Variants in RRAGD observed in about 807,000 individuals in gnomAD.
The protein encoded by RRAGD is Ras related GTP binding D.
RRAGD carries 12 observed loss-of-function variants against 35.5 expected under a neutral mutation model. That is an observed-to-expected ratio of 0.34 (90% CI 0.22 to 0.55). RRAGD has a LOEUF of 0.55. RRAGD is among the 20% of genes least tolerant of loss of function. RRAGD has a pLI of 0.91. For synonymous variants in RRAGD, 155 were observed against 178.9 expected (o/e 0.87, Z 1.07); for missense variants, 324 against 490.1 (o/e 0.66, Z 3.20).
chr6:89,371,073 AAATATAAAACTATATTAG>A (rs1177840240), intron 6 of RRAGD, among the ~76,000 whole-genome samples: 15 of 151,728 alleles, frequency 9.9e-5, no homozygotes, highest in African/African-American at 2.4e-4. Flanking sequence ...TATTTGTATT[AAATATAAAACTATATTAG>A]AATATAAAAC....
At chr6:89,406,161 C>T (rs1035679220) in intron 1 of RRAGD, among the ~76,000 whole-genome samples, 1 of 151,758 alleles carries the variant, frequency 6.6e-6, no homozygotes, top group Admixed American at 6.5e-5. Context: ...ATTTCCTTAA[C>T]ATATGTATTC....
chr6:89,372,225 A>T (rs971261675), intron 6 of RRAGD, among the ~76,000 whole-genome samples: 1 of 152,176 alleles, frequency 6.6e-6, no homozygotes, highest in Non-Finnish European at 1.5e-5. Context: ...TCGCAGATGC[A>T]CCACTAGAGG....
In RRAGD at chr6:89,380,302, A is replaced by C. The variant is rs150916197; in HGVS notation, c.510T>G (p.Thr170=). ...LTVTRAYKVN[T]DINFEVFIHK... ...GAATAAACACCTCGAAGTTGATGTC[A>C]GTATTCACTTTGTAGGCCCTGGTCA... Residue 170 remains threonine, a synonymous_variant, in exon 3 of 7, where the codon ACT becomes ACG. Coordinates refer to ENST00000369415, the MANE Select transcript of RRAGD (RefSeq NM_021244.5). 12 of 1,614,142 alleles carry C rather than the reference A, an allele frequency of 7.4e-6. No individual in the cohort carries two copies. The highest frequency in any genetic ancestry group is 1.0e-5 in the Non-Finnish European group (12 of 1,180,054).
At chr6:89,388,211 GCTA>G (rs1251841537) in intron 1 of RRAGD, among the ~76,000 whole-genome samples, 4 of 152,198 alleles carry the variant, frequency 2.6e-5, no homozygotes, top group Non-Finnish European at 5.9e-5. Context: ...CAGTAAGGTA[GCTA>G]CTAGCCAAAT....
rs1769720021 is a variant in RRAGD at position 89,412,161 on chromosome 6, C to G, written c.-168G>C. The G allele has an allele frequency of 1.9e-6, 1 of 518,228 alleles. No individual in the cohort carries two copies. The highest frequency in any genetic ancestry group is 2.9e-6 in the Non-Finnish European group (1 of 345,114). 32.1% of individuals were successfully genotyped at this position (518,228 alleles called of 1,614,324 possible). On this transcript the variant is annotated 5_prime_UTR_variant, in exon 1 of 7. Coordinates refer to ENST00000369415, the MANE Select transcript of RRAGD (RefSeq NM_021244.5). This position sits in a 1 kb window ranked among gnomAD's most constrained non-coding sequence, Gnocchi z 4.2. ...TCCCCCGGCGGGCGGCGCCCAGGTC[C>G]GGGTCCCGCGGTTCCCAGCGCGCCC...
chr6:89,367,790 T>A lies in RRAGD; in HGVS notation c.*266A>T, dbSNP rs1170249190. The stretch of plus-strand genomic sequence containing the variant: ...AATTCCTGGCAGTTCTCACACGGGA[T>A]TTTTTTGACTACAGACCATAAAAGT... On this transcript the variant is annotated 3_prime_UTR_variant, in exon 7 of 7. Coordinates refer to ENST00000369415, the MANE Select transcript of RRAGD (RefSeq NM_021244.5). The A allele has an allele frequency of 9.3e-6, 3 of 324,304 alleles. No individual in the cohort carries two copies. Among genetic ancestry groups the A allele is most frequent in the Non-Finnish European group, 1.7e-5 (3 of 180,250 alleles). 20.1% of individuals were successfully genotyped at this position (324,304 alleles called of 1,614,324 possible). A position where few individuals can be genotyped will look rare whatever the true frequency, so the allele number is the denominator to read the frequency against.
chr6:89,401,278 G>A (rs1288463006), intron 1 of RRAGD, among the ~76,000 whole-genome samples: 1 of 149,988 alleles, frequency 6.7e-6, no homozygotes, highest in Non-Finnish European at 1.5e-5. Context: ...TTTTTTTTGA[G>A]ACAGAGTCTT....
chr6:89,376,919 C>T (rs1033060902), intron 5 of RRAGD, among the ~76,000 whole-genome samples: 5 of 152,196 alleles, frequency 3.3e-5, no homozygotes, highest in Non-Finnish European at 7.3e-5. Context: ...TCCACTTATA[C>T]ATGGATTTTC....
At chr6:89,373,206 T>C (rs1015523419) in intron 5 of RRAGD, among the ~76,000 whole-genome samples, 1 of 152,244 alleles carries the variant, frequency 6.6e-6, no homozygotes, top group African/African-American at 2.4e-5. Flanking sequence ...GCAGCAAATA[T>C]GGCAAATTGG....
intron 1 of RRAGD, among the ~76,000 whole-genome samples, chr6:89,400,907 G>A (rs1769446815): frequency 6.6e-6 from 1 of 152,198 alleles, no homozygotes; most frequent in Admixed American, 6.5e-5. Context: ...GTAGTGAGAT[G>A]AAATGTTCAA....
chr6:89,376,647 C>T (rs1215440103), intron 5 of RRAGD, among the ~76,000 whole-genome samples: 2 of 152,154 alleles, frequency 1.3e-5, no homozygotes, highest in African/African-American at 2.4e-5. Context: ...GTTTCTACAT[C>T]GGGTAACATA....
rs557628673 is a variant in RRAGD at position 89,384,725 on chromosome 6, A to G, written c.444+2570T>C. Among the ~76,000 whole-genome samples, 22 of 151,818 alleles carry G rather than the reference A, an allele frequency of 1.4e-4. No individual in the cohort carries two copies. In the South Asian group the frequency reaches 4.4e-3, roughly 30 times the overall value. On this transcript the variant is annotated intron_variant, in intron 2 of 6. Coordinates refer to ENST00000369415, the MANE Select transcript of RRAGD (RefSeq NM_021244.5). Reference sequence around the variant, plus strand: ...AGCTACTCGGGAGGCTGAGGCAGGAAAATGGCGTGAACCCAGGAGGTGGAC... The same window carrying G: ...AGCTACTCGGGAGGCTGAGGCAGGAGAATGGCGTGAACCCAGGAGGTGGAC...
intron 1 of RRAGD, among the ~76,000 whole-genome samples, chr6:89,400,998 CG>C (rs1400753886): frequency 6.6e-6 from 1 of 152,104 alleles, no homozygotes; most frequent in Non-Finnish European, 1.5e-5. Context: ...CAAAGAAAAA[CG>C]ATTCATCCCC....
intron 2 of RRAGD, 110 bp downstream of exon 2, chr6:89,387,185 A>G: frequency 9.0e-7 from 1 of 1,113,696 alleles, no homozygotes. Flanking sequence ...ACCAAGAAAC[A>G]CTTGTTTGGT....
chr6:89,384,181 G>C (rs1366596828), intron 2 of RRAGD, among the ~76,000 whole-genome samples: 1 of 151,906 alleles, frequency 6.6e-6, no homozygotes, highest in Non-Finnish European at 1.5e-5. Context: ...TTTCCTGTCA[G>C]TGCTTCTAAT....
At chr6:89,389,670 A>G (rs919365076) in intron 1 of RRAGD, among the ~76,000 whole-genome samples, 3 of 152,018 alleles carry the variant, frequency 2.0e-5, no homozygotes, top group Admixed American at 1.3e-4. Context: ...CTTTAGTCCT[A>G]GAAAACCGCT....
chr6:89,368,165 T>C lies in RRAGD; in HGVS notation c.1094A>G (p.His365Arg), dbSNP rs751322771. The C allele has an allele frequency of 6.2e-7, 1 of 1,614,064 alleles. No homozygotes were observed. Among genetic ancestry groups the C allele is most frequent in the African/African-American group, 1.3e-5 (1 of 75,036 alleles). Reference sequence around the variant, plus strand: ...TTTCATTCTCACCTCAAAAACTTCATGAATGGCCTTCCGGAAGCAATGAAA... The same window carrying C: ...TTTCATTCTCACCTCAAAAACTTCACGAATGGCCTTCCGGAAGCAATGAAA... ...YNFHCFRKAI[H>R]EVFEVRMKVV... Residue 365 changes from histidine (H) to arginine (R), a missense_variant, in exon 7 of 7, where the codon CAT becomes CGT. Physicochemically the swap from His to Arg is conservative, Grantham distance 29. Coordinates refer to ENST00000369415, the MANE Select transcript of RRAGD (RefSeq NM_021244.5).
At chr6:89,388,369 T>C (rs933748265) in intron 1 of RRAGD, among the ~76,000 whole-genome samples, 3 of 152,284 alleles carry the variant, frequency 2.0e-5, no homozygotes, top group East Asian at 1.9e-4. Flanking sequence ...TTAATGGGTA[T>C]GTAGTTTCAG....
chr6:89,374,500 C>T (rs1439101292), intron 5 of RRAGD, among the ~76,000 whole-genome samples: 2 of 152,010 alleles, frequency 1.3e-5, no homozygotes, highest in African/African-American at 4.8e-5. Context: ...TTTGGGAGGC[C>T]GAGGTGGATC....
Sources: allele counts gnomAD v4.1 joint callset (sites outside exome capture counted in the v4.1 genomes callset), GRCh38; gene constraint gnomAD v4.1.1; non-coding constraint Gnocchi (gnomAD v3.1); transcripts MANE v1.5; gene names NCBI Gene and HGNC (gene_info 2026-07-23, HGNC 2026-07-21).